Variants in RNF180 observed in about 807,000 individuals in gnomAD.
RNF180 encodes ring finger protein 180.
Under a neutral mutation model 59.2 loss-of-function variants are expected in RNF180, and 38 were observed. The observed-to-expected ratio is 0.64, with a 90% CI of 0.50 to 0.84. RNF180 has a LOEUF of 0.84. RNF180 is among the 40% of genes least tolerant of loss of function. The pLI is 0.00. For synonymous variants in RNF180, 262 were observed against 240.3 expected, an observed-to-expected ratio of 1.09 and a Z score of -0.84; for missense variants, 705 against 700.9, an observed-to-expected ratio of 1.01 and a Z score of -0.07.
chr5:64,205,348 C>T (rs1175417435), intron 2 of RNF180, among the ~76,000 whole-genome samples: 5 of 152,096 alleles, frequency 3.3e-5, no homozygotes, highest in African/African-American at 1.2e-4. Context: ...CAATCTACAA[C>T]GTCCACAAGG....
intron 5 of RNF180, among the ~76,000 whole-genome samples, chr5:64,241,541 A>G (rs989364899): frequency 4.2e-4 from 64 of 152,276 alleles, no homozygotes; most frequent in African/African-American, 1.4e-3. Flanking sequence ...AACTTATTCT[A>G]TTTATTGCAT....
chr5:64,248,391 G>T (rs1309597744), intron 5 of RNF180, among the ~76,000 whole-genome samples: 1 of 152,010 alleles, frequency 6.6e-6, no homozygotes, highest in East Asian at 1.9e-4. Flanking sequence ...AATCTACAAA[G>T]AACTTGAACA....
In RNF180 at chr5:64,214,229, G is replaced by A. The variant is rs774764792; in HGVS notation, c.903G>A (p.Glu301=). The A allele has an allele frequency of 1.2e-6, 2 of 1,613,982 alleles. No individual in the cohort carries two copies. The highest frequency in any genetic ancestry group is 4.5e-5 in the East Asian group (2 of 44,862). ...LLQRFSVAPH[E]TQTQRGGEFQ... Reference sequence around the variant, plus strand: ...AAAGATTTTCAGTGGCCCCCCATGAGACCCAGACACAAAGAGGAGGAGAAT... The same window carrying A: ...AAAGATTTTCAGTGGCCCCCCATGAAACCCAGACACAAAGAGGAGGAGAAT... Residue 301 remains glutamate, a synonymous_variant, in exon 4 of 8, where the codon GAG becomes GAA. Coordinates refer to ENST00000389100, the MANE Select transcript of RNF180 (RefSeq NM_001113561.2).
chr5:64,308,733 G>C (rs1743603496), intron 5 of RNF180, among the ~76,000 whole-genome samples: 1 of 151,674 alleles, frequency 6.6e-6, no homozygotes, highest in South Asian at 2.1e-4. Flanking sequence ...TCAGTTACCA[G>C]TAACTTAAAA....
At chr5:64,270,320 G>A (rs1421258330) in intron 5 of RNF180, among the ~76,000 whole-genome samples, 3 of 152,116 alleles carry the variant, frequency 2.0e-5, no homozygotes, top group African/African-American at 7.2e-5. Flanking sequence ...CAATTTGACA[G>A]TAATTTGCTG....
chr5:64,180,415 G>T (rs1025716802), intron 1 of RNF180, among the ~76,000 whole-genome samples: 2 of 152,166 alleles, frequency 1.3e-5, no homozygotes, highest in Non-Finnish European at 2.9e-5. Context: ...GTAAAATTAT[G>T]AATTTTTAAA....
At chr5:64,204,914 C>T (rs1751938280) in intron 2 of RNF180, among the ~76,000 whole-genome samples, 1 of 152,100 alleles carries the variant, frequency 6.6e-6, no homozygotes, top group Non-Finnish European at 1.5e-5. Flanking sequence ...TATCTCCTGT[C>T]TTCCGCATGC....
At position 64,370,058 on chromosome 5, in the gene RNF180, G is replaced by C. The variant is rs775773333; in HGVS notation, c.*244G>C. ...CACTATTAATTTCATAGTTGTTCTT[G>C]GGTTAGGATTTGGGGCTCTGATTTT... On this transcript the variant is annotated 3_prime_UTR_variant, in exon 8 of 8. Coordinates refer to ENST00000389100, the MANE Select transcript of RNF180 (RefSeq NM_001113561.2). 4 of 267,238 alleles carry C rather than the reference G, an allele frequency of 1.5e-5. No individual in the cohort carries two copies. The highest frequency in any genetic ancestry group is 2.8e-5 in the Non-Finnish European group (4 of 143,766). The allele number at this position is 267,238 out of a possible 1,614,324, so 16.6% of individuals were successfully genotyped here.
At chr5:64,321,028 A>G (rs1035760453) in intron 5 of RNF180, among the ~76,000 whole-genome samples, 6 of 147,180 alleles carry the variant, frequency 4.1e-5, no homozygotes, top group Non-Finnish European at 7.5e-5. Flanking sequence ...ACAGAGCGAG[A>G]CTCCGTCTCA....
At chr5:64,200,582 G>A (rs974300603) in intron 1 of RNF180, among the ~76,000 whole-genome samples, 2 of 152,186 alleles carry the variant, frequency 1.3e-5, no homozygotes, top group African/African-American at 4.8e-5. Context: ...AAGAAAATAA[G>A]CTGGTAGTCA....
At chr5:64,265,364 T>A (rs969719701) in intron 5 of RNF180, among the ~76,000 whole-genome samples, 8 of 152,122 alleles carry the variant, frequency 5.3e-5, no homozygotes, top group African/African-American at 1.7e-4. Context: ...TTTTCAGTCT[T>A]ACGTTTAGGT....
Position 64,255,427 on chromosome 5 carries a change from C to T in RNF180, c.1227+38031C>T, listed in dbSNP as rs148452805. Among the ~76,000 whole-genome samples, 752 of 152,246 alleles carry T rather than the reference C, an allele frequency of 4.9e-3. 10 individuals are homozygous for T. Among genetic ancestry groups the T allele is most frequent in the African/African-American group, 0.017 (704 of 41,530 alleles). On this transcript the variant is annotated intron_variant, in intron 5 of 7. Transcript: ENST00000389100. ...AGGTGTTCTCATTGTTCAATTCCCA[C>T]CTATGAGTGAGAACATGTGGTGTAT... is the stretch of plus-strand genomic sequence containing the variant.
intron 7 of RNF180, among the ~76,000 whole-genome samples, chr5:64,341,441 G>A (rs541205630): frequency 6.6e-6 from 1 of 152,270 alleles, no homozygotes; most frequent in East Asian, 1.9e-4. Context: ...AATAAATGGT[G>A]TCATTTAATT....
At chr5:64,169,162 A>G (rs1749807239) in intron 1 of RNF180, among the ~76,000 whole-genome samples, 1 of 152,190 alleles carries the variant, frequency 6.6e-6, no homozygotes, top group Non-Finnish European at 1.5e-5. Context: ...ATTATGTGGC[A>G]CTGAGCATGA....
At position 64,214,533 on chromosome 5, in the gene RNF180, A is replaced by G. The variant is rs756432062; in HGVS notation, c.1191+16A>G. 2 of 1,599,564 alleles carry G rather than the reference A, an allele frequency of 1.3e-6. No homozygotes were observed. The highest frequency in any genetic ancestry group is 1.3e-5 in the African/African-American group (1 of 74,284). On this transcript the variant is annotated intron_variant, in intron 4 of 7. Transcript: ENST00000389100. ...ACAGAAGCAGGTAATATTTTTCAAA[A>G]GAGTTTACTAAAAATCTGTATTATA...
At chr5:64,341,473 G>A (rs1745352697) in intron 7 of RNF180, among the ~76,000 whole-genome samples, 1 of 152,176 alleles carries the variant, frequency 6.6e-6, no homozygotes, top group East Asian at 1.9e-4. Flanking sequence ...TTTCAGAAAT[G>A]TTCAAGTGTT....
chr5:64,302,406 T>C (rs1420785445), intron 5 of RNF180, among the ~76,000 whole-genome samples: 1 of 151,634 alleles, frequency 6.6e-6, no homozygotes, highest in Non-Finnish European at 1.5e-5. Context: ...TTTTAAACTC[T>C]GAATTTTATG....
rs141050842 is a variant in RNF180 at position 64,323,396 on chromosome 5, T to C, written c.1228-1790T>C. ...TCTCTACTAAAAATACAAAGAATAG[T>C]CGGGCACCATGCCGCATGCCTGTAA... On this transcript the variant is annotated intron_variant, in intron 5 of 7. Transcript: ENST00000389100. Among the ~76,000 whole-genome samples the C allele has an allele frequency of 3.6e-3, 543 of 152,010 alleles. 7 individuals are homozygous for C. Among genetic ancestry groups the C allele is most frequent in the African/African-American group, 0.012 (494 of 41,468 alleles).
intron 6 of RNF180, among the ~76,000 whole-genome samples, chr5:64,329,326 A>G (rs1180283609): frequency 6.6e-6 from 1 of 152,086 alleles, no homozygotes; most frequent in East Asian, 1.9e-4. Context: ...CCAGTCCTCA[A>G]CCTTTTTAGC....
Sources: gnomAD v4.1 joint callset for allele counts (sites outside exome capture counted in the v4.1 genomes callset) on GRCh38, gnomAD v4.1.1 for gene constraint, MANE v1.5 for transcripts, NCBI Gene and HGNC (gene_info 2026-07-23, HGNC 2026-07-21) for gene names.